PCDH9: variants seen among roughly 807,000 people sequenced by gnomAD.
PCDH9 encodes the protein protocadherin-9.
In PCDH9, 24 loss-of-function variants were observed where a neutral mutation model predicts 70.6. That is an observed-to-expected ratio of 0.34 (90% CI 0.25 to 0.48). The LOEUF (loss-of-function observed/expected upper bound fraction) is 0.48. Among genes scored for constraint, PCDH9 ranks in the 20% least tolerant of loss-of-function variants. The probability of loss-of-function intolerance (pLI) is 0.99; values close to 1 mark genes in which losing one functional copy is unlikely to be tolerated. For synonymous variants in PCDH9, 562 were observed against 558.5 expected (o/e 1.01, Z -0.09); for missense variants, 1,281 against 1,503.6 (o/e 0.85, Z 2.45).
At chr13:66,416,221 T>C (rs909957431) in intron 4 of PCDH9, among the ~76,000 whole-genome samples, 3 of 151,372 alleles carry the variant, frequency 2.0e-5, no homozygotes, top group Non-Finnish European at 4.4e-5. Flanking sequence ...CCTTCAATGA[T>C]AGCAATCAAA....
intron 4 of PCDH9, among the ~76,000 whole-genome samples, chr13:66,416,586 C>A (rs1385513483): frequency 5.3e-5 from 8 of 152,066 alleles, no homozygotes; most frequent in African/African-American, 1.9e-4. Context: ...TATTAGTTTG[C>A]CCAATTTGAC....
At chr13:67,023,624 T>C (rs2084722796) in intron 2 of PCDH9, among the ~76,000 whole-genome samples, 1 of 152,142 alleles carries the variant, frequency 6.6e-6, no homozygotes, top group African/African-American at 2.4e-5. Flanking sequence ...GACAAATAAA[T>C]GAATGCTCTT....
At chr13:66,586,132 C>G (rs996668910) in intron 4 of PCDH9, among the ~76,000 whole-genome samples, 1 of 152,022 alleles carries the variant, frequency 6.6e-6, no homozygotes, top group African/African-American at 2.4e-5. Flanking sequence ...GGCTTAATAG[C>G]TTTATTTAGA....
chr13:66,485,216 C>G (rs567202255), intron 4 of PCDH9, among the ~76,000 whole-genome samples: 2 of 152,250 alleles, frequency 1.3e-5, no homozygotes, highest in South Asian at 4.1e-4. Context: ...GAATAGAACA[C>G]TATGCAATGG....
At chr13:66,631,578 T>A (rs2077572032) in intron 3 of PCDH9, among the ~76,000 whole-genome samples, 167 bp from the exon 4 acceptor site, 1 of 152,208 alleles carries the variant, frequency 6.6e-6, no homozygotes, top group Non-Finnish European at 1.5e-5. Flanking sequence ...CCATTTACTA[T>A]GTAATGGCCA....
intron 4 of PCDH9, among the ~76,000 whole-genome samples, chr13:66,555,136 T>C (rs938754430): frequency 6.6e-6 from 1 of 151,822 alleles, no homozygotes; most frequent in African/African-American, 2.4e-5. Context: ...GCCATTGCAC[T>C]CCAGCCTGGG....
chr13:66,326,387 C>T lies in PCDH9; in HGVS notation c.3341-21359G>A, dbSNP rs112796181. 9.5e-3 allele frequency among the ~76,000 whole-genome samples: 1,330 copies of T among 140,132 alleles called. 23 individuals carry two copies. Among genetic ancestry groups the T allele is most frequent in the African/African-American group, 0.038 (1,243 of 32,914 alleles). 91.9% of individuals were successfully genotyped at this position (140,132 alleles called of 152,430 possible). The stretch of plus-strand genomic sequence containing the variant: ...ATTTCATAGATGTGTAATGTGTTTT[C>T]TTCTTCTTCTAAAAAAAAAAAAAAA... On this transcript the variant is annotated intron_variant, in intron 4 of 4. Transcript: ENST00000377865.
intron 2 of PCDH9, among the ~76,000 whole-genome samples, chr13:67,156,305 G>A (rs181923059): frequency 6.6e-6 from 1 of 152,298 alleles, no homozygotes; most frequent in East Asian, 1.9e-4. Context: ...GATAGAGGCA[G>A]GGGGATGTCA....
chr13:66,933,810 C>A (rs1023441499), intron 2 of PCDH9, among the ~76,000 whole-genome samples: 1 of 147,652 alleles, frequency 6.8e-6, no homozygotes, highest in Non-Finnish European at 1.5e-5. Flanking sequence ...TGCCTCAGCT[C>A]TAATTAAACA....
chr13:66,969,213 G>A (rs11842608), intron 2 of PCDH9, among the ~76,000 whole-genome samples: 15 of 151,882 alleles, frequency 9.9e-5, no homozygotes, highest in African/African-American at 3.4e-4. Context: ...CATTTGCAAC[G>A]CACCTAATTT....
chr13:66,592,551 T>G (rs2077051571), intron 4 of PCDH9, among the ~76,000 whole-genome samples: 1 of 151,808 alleles, frequency 6.6e-6, no homozygotes, highest in African/African-American at 2.4e-5. Context: ...ACCTTTATTT[T>G]CTGTGATTTT....
chr13:66,426,536 T>C lies in PCDH9; in HGVS notation c.3341-121508A>G, dbSNP rs76384320. On this transcript the variant is annotated intron_variant, in intron 4 of 4. Transcript: ENST00000377865. ...TCCAAGCACAGGCAAAAATACGCTA[T>C]GTAATATTAGAAATTCATATGTTAA... Among the ~76,000 whole-genome samples, 1,154 of 146,786 alleles carry C rather than the reference T, an allele frequency of 7.9e-3. 14 individuals are homozygous for C. The highest frequency in any genetic ancestry group is 0.026 in the African/African-American group (1,066 of 41,140).
At chr13:66,652,108 A>G in intron 3 of PCDH9, among the ~76,000 whole-genome samples, 1 of 152,094 alleles carries the variant, frequency 6.6e-6, no homozygotes, top group African/African-American at 2.4e-5. Flanking sequence ...AAGGATGCCC[A>G]TCTTCATCAC....
intron 3 of PCDH9, among the ~76,000 whole-genome samples, chr13:66,809,194 C>T (rs1325532205): frequency 1.3e-5 from 2 of 152,228 alleles, no homozygotes; most frequent in East Asian, 1.9e-4. Context: ...GTGATCCACC[C>T]GTCTCGGCCT....
At chr13:66,579,107 A>C (rs1426260044) in intron 4 of PCDH9, among the ~76,000 whole-genome samples, 2 of 152,040 alleles carry the variant, frequency 1.3e-5, no homozygotes, top group Non-Finnish European at 2.9e-5. Context: ...TATGTAATGG[A>C]AGCCCCTCTA....
intron 3 of PCDH9, among the ~76,000 whole-genome samples, chr13:66,802,454 A>G (rs2139342772): frequency 6.6e-6 from 1 of 152,192 alleles, no homozygotes; most frequent in African/African-American, 2.4e-5. Context: ...ATTTTAAGAA[A>G]CAGAGATGTA....
chr13:66,769,901 C>T (rs1031962996), intron 3 of PCDH9, among the ~76,000 whole-genome samples: 3 of 151,930 alleles, frequency 2.0e-5, no homozygotes, highest in African/African-American at 7.3e-5. Flanking sequence ...GATGTAGGGG[C>T]TCAGCAGGGG....
intron 3 of PCDH9, among the ~76,000 whole-genome samples, chr13:66,686,619 TCTA>T (rs1356987555): frequency 6.6e-6 from 1 of 152,234 alleles, no homozygotes; most frequent in Non-Finnish European, 1.5e-5. Flanking sequence ...ATTGCTCTTA[TCTA>T]CTATGTCTGT....
At chr13:66,807,656 CTTA>C (rs1250390280) in intron 3 of PCDH9, among the ~76,000 whole-genome samples, 1 of 151,990 alleles carries the variant, frequency 6.6e-6, no homozygotes, top group Non-Finnish European at 1.5e-5. Flanking sequence ...TATTTGTTAT[CTTA>C]TTAATATAAT....
Sources: gnomAD v4.1 joint callset for allele counts (sites outside exome capture counted in the v4.1 genomes callset) on GRCh38, gnomAD v4.1.1 for gene constraint, MANE v1.5 for transcripts, NCBI Gene and HGNC (gene_info 2026-07-23, HGNC 2026-07-21) for gene names.